Variants in CCND3 observed in about 807,000 individuals in gnomAD.
CCND3 encodes G1/S-specific cyclin-D3.
CCND3 carries 9 observed loss-of-function variants against 28.7 expected under a neutral mutation model. The observed-to-expected ratio is 0.31, with a 90% CI of 0.19 to 0.55. The LOEUF (loss-of-function observed/expected upper bound fraction) is 0.55. Among genes scored for constraint, CCND3 ranks in the 20% least tolerant of loss-of-function variants. The pLI is 0.93. For missense variants in CCND3, 315 were observed against 385.8 expected, an observed-to-expected ratio of 0.82 and a Z score of 1.54; for synonymous variants, 164 against 163.9, an observed-to-expected ratio of 1.00 and a Z score of 0.00.
Position 42,035,347 on chromosome 6 carries a change from G to A in CCND3, c.-46+13154C>T, listed in dbSNP as rs138987875. Among the ~76,000 whole-genome samples, 1,213 of 152,148 alleles carry A rather than the reference G, an allele frequency of 8.0e-3. 12 individuals carry two copies. The highest frequency in any genetic ancestry group is 0.026 in the African/African-American group (1,094 of 41,506). ...CCCCCTTGTTTCCATTTCTACTGGC[G>A]TCACCCTAGTTTCTTTTCTTTTTCT... is the stretch of plus-strand genomic sequence containing the variant. On this transcript the variant is annotated intron_variant, in intron 1 of 4. Transcript: ENST00000372988.
At chr6:42,007,100 G>A (rs1460002378) in intron 1 of CCND3, among the ~76,000 whole-genome samples, 1 of 151,916 alleles carries the variant, frequency 6.6e-6, no homozygotes, top group Admixed American at 6.6e-5. Context: ...ATACACACAT[G>A]TATATATATA....
intron 1 of CCND3, among the ~76,000 whole-genome samples, chr6:41,995,879 C>A (rs938673047): frequency 6.6e-6 from 1 of 151,516 alleles, no homozygotes; most frequent in Non-Finnish European, 1.5e-5. Context: ...CACAGAGAGA[C>A]CCTGTCTCTA....
In CCND3 at chr6:41,936,431, A is replaced by T; in HGVS notation, c.711+128T>A. 1 of 1,153,210 alleles carries T rather than the reference A, an allele frequency of 8.7e-7. No homozygotes were observed. Among genetic ancestry groups the T allele is most frequent in the South Asian group, 1.5e-5 (1 of 67,080 alleles). 71.4% of individuals were successfully genotyped at this position (1,153,210 alleles called of 1,614,324 possible). A position where few individuals can be genotyped will look rare whatever the true frequency, so the allele number is the denominator to read the frequency against. On this transcript the variant is annotated intron_variant, in intron 4 of 4. Coordinates refer to ENST00000372991, the MANE Select transcript of CCND3 (RefSeq NM_001760.5). The surrounding 1 kb of genome is among the most constrained non-coding windows in gnomAD (Gnocchi z 4.4). ...ACCAAGGCAGGAGATAAAAAGCCAC[A>T]AAGCCCCAAGGTTGTGAAACCAGGA...
At chr6:41,965,553 T>C (rs1761865089) in intron 1 of CCND3, among the ~76,000 whole-genome samples, 1 of 152,072 alleles carries the variant, frequency 6.6e-6, no homozygotes, top group Non-Finnish European at 1.5e-5. Flanking sequence ...GATGCAGTCA[T>C]CCTGGGAATA....
chr6:41,957,158 T>C (rs538349948), intron 1 of CCND3, among the ~76,000 whole-genome samples: 8 of 152,356 alleles, frequency 5.3e-5, no homozygotes, highest in African/African-American at 1.7e-4. Flanking sequence ...AGGCTGGGCC[T>C]ATATTACTGT....
rs1375817237 is a variant in CCND3, at chr6:41,941,725, G to T, written c.-76C>A. The T allele has an allele frequency of 8.9e-7, 1 of 1,120,686 alleles. No individual in the cohort carries two copies. The highest frequency in any genetic ancestry group is 1.2e-6 in the Non-Finnish European group (1 of 869,182). 69.4% of individuals were successfully genotyped at this position (1,120,686 alleles called of 1,614,324 possible). A position where few individuals can be genotyped will look rare whatever the true frequency, so the allele number is the denominator to read the frequency against. The stretch of plus-strand genomic sequence containing the variant: ...GCAGGCGACGGGCCGGAGAGCGCGG[G>T]GCGCGGGTCTGGCGCTGGCGCTGGC... On this transcript the variant is annotated 5_prime_UTR_variant, in exon 1 of 5. Transcript: ENST00000372991. This position sits in a 1 kb window ranked among gnomAD's most constrained non-coding sequence, Gnocchi z 6.1.
chr6:41,973,356 CT>C (rs932764499), intron 1 of CCND3, among the ~76,000 whole-genome samples: 6 of 152,222 alleles, frequency 3.9e-5, no homozygotes, highest in Admixed American at 1.3e-4. Context: ...TGCCATTTCT[CT>C]TTTTTAAAAT....
At chr6:42,025,051 C>T (rs1209547562) in intron 1 of CCND3, among the ~76,000 whole-genome samples, 5 of 152,014 alleles carry the variant, frequency 3.3e-5, no homozygotes, top group Non-Finnish European at 7.4e-5. Flanking sequence ...AAGTGAGACT[C>T]CATCTCAAAA....
At chr6:42,025,214 G>A (rs943107733) in intron 1 of CCND3, among the ~76,000 whole-genome samples, 3 of 152,218 alleles carry the variant, frequency 2.0e-5, no homozygotes, top group African/African-American at 7.2e-5. Flanking sequence ...CAGGGAGCCT[G>A]ACAGCTCTCC....
chr6:41,937,463 T>A (rs2127391468), intron 2 of CCND3, 69 bp from the exon 3 acceptor site: 7 of 1,578,072 alleles, frequency 4.4e-6, no homozygotes, highest in Non-Finnish European at 6.1e-6. Context: ...AGCAGAAGTC[T>A]CAAAGTCTCA....
intron 1 of CCND3, among the ~76,000 whole-genome samples, chr6:41,947,775 C>CCG (rs1219329319): frequency 2.0e-5 from 3 of 152,120 alleles, no homozygotes; most frequent in African/African-American, 7.2e-5. Context: ...TTCTACCCCC[C>CCG]GGTCCGAGTT....
chr6:42,023,300 C>G (rs574675459), intron 1 of CCND3, among the ~76,000 whole-genome samples: 2 of 152,098 alleles, frequency 1.3e-5, no homozygotes, highest in Non-Finnish European at 2.9e-5. Flanking sequence ...GACGTGCTGG[C>G]GAATGTTTCT....
chr6:41,948,682 AC>A (rs1478516211), intron 1 of CCND3, among the ~76,000 whole-genome samples: 1 of 151,916 alleles, frequency 6.6e-6, no homozygotes, highest in Non-Finnish European at 1.5e-5. Flanking sequence ...AGTAAAAAAT[AC>A]AAAAAAATTA....
At chr6:42,021,770 G>A (rs954311949) in intron 1 of CCND3, among the ~76,000 whole-genome samples, 4 of 152,148 alleles carry the variant, frequency 2.6e-5, no homozygotes, top group Non-Finnish European at 5.9e-5. Context: ...AGCAGGGAGA[G>A]GGTTATAAAG....
intron 1 of CCND3, among the ~76,000 whole-genome samples, chr6:41,988,559 C>T (rs1397677134): frequency 6.6e-6 from 1 of 152,010 alleles, no homozygotes; most frequent in Non-Finnish European, 1.5e-5. Flanking sequence ...TAAAGGAGTA[C>T]GGATTTCCTA....
intron 1 of CCND3, among the ~76,000 whole-genome samples, chr6:42,009,086 A>G (rs975109992): frequency 6.6e-6 from 1 of 152,230 alleles, no homozygotes; most frequent in Non-Finnish European, 1.5e-5. Context: ...GGTTGTGATT[A>G]GAGCCTGAGT....
intron 1 of CCND3, among the ~76,000 whole-genome samples, chr6:41,976,300 T>G (rs1762183010): frequency 6.6e-6 from 1 of 151,408 alleles, no homozygotes; most frequent in Admixed American, 6.6e-5. Context: ...TGCAGCGAGC[T>G]GAGATCTCAC....
intron 1 of CCND3, among the ~76,000 whole-genome samples, chr6:42,031,851 G>A (rs1346854180): frequency 2.0e-5 from 3 of 146,516 alleles, no homozygotes; most frequent in African/African-American, 5.1e-5. Flanking sequence ...GTGCAACGGC[G>A]CGATCTCAGC....
chr6:42,041,069 A>C (rs1050797489), intron 1 of CCND3, among the ~76,000 whole-genome samples: 3 of 152,218 alleles, frequency 2.0e-5, no homozygotes, highest in African/African-American at 7.2e-5. Flanking sequence ...CTTGAGTGCC[A>C]TGTGTCTGGG....
Sources: allele counts gnomAD v4.1 joint callset (sites outside exome capture counted in the v4.1 genomes callset), GRCh38; gene constraint gnomAD v4.1.1; non-coding constraint Gnocchi (gnomAD v3.1); transcripts MANE v1.5; gene names NCBI Gene and HGNC (gene_info 2026-07-23, HGNC 2026-07-21).